The following FMR1NB variants were observed in gnomAD, a reference collection of about 807,000 sequenced individuals.
The protein encoded by FMR1NB is FMR1 neighbor.
A neutral mutation model predicts 16.8 loss-of-function variants in FMR1NB; 10 were observed. The observed-to-expected ratio is 0.60, with a 90% CI of 0.37 to 1.01. The LOEUF is 1.01. Ranked by LOEUF, FMR1NB falls within the 50% of genes least tolerant of loss-of-function variation. The pLI is 0.01. For missense variants in FMR1NB, 205 were observed against 204.8 expected, an observed-to-expected ratio of 1.00 and a Z score of 0.00; for synonymous variants, 83 against 79.1, an observed-to-expected ratio of 1.05 and a Z score of -0.26.
In FMR1NB at chrX:148,015,108, G is replaced by C. The variant is rs782786392; in HGVS notation, c.632+6397G>C. Among the ~76,000 whole-genome samples the C allele has an allele frequency of 8.1e-5, 9 of 111,297 alleles. No homozygotes were observed. The South Asian group carries it at 3.4e-3, about 42-fold the overall frequency. On this transcript the variant is annotated intron_variant, in intron 4 of 5. Coordinates refer to ENST00000370467, the MANE Select transcript of FMR1NB (RefSeq NM_152578.3). The stretch of plus-strand genomic sequence containing the variant: ...TTCTTCTAGATTTTACAATTTATTG[G>C]CATATAGTTGCTCAGAGTAGCCACT...
At chrX:147,982,258 C>T (rs1384648340) in intron 1 of FMR1NB, among the ~76,000 whole-genome samples, 6 of 107,609 alleles carry the variant, frequency 5.6e-5, no homozygotes, top group Non-Finnish European at 1.2e-4. Flanking sequence ...CCACTGCACT[C>T]CAGCCTGGTG....
At chrX:147,998,011 A>G (rs1433071217) in intron 1 of FMR1NB, among the ~76,000 whole-genome samples, 2 of 112,506 alleles carry the variant, frequency 1.8e-5, no homozygotes, top group African/African-American at 3.2e-5. Context: ...TGATGGGAGT[A>G]TAAATTAGTT....
At position 147,981,448 on chromosome X, in the gene FMR1NB, C is replaced by A; in HGVS notation, c.46C>A (p.His16Asn). The change falls in exon 1 of 6, where the codon CAC becomes AAC. Residue 16 changes from histidine (H) to asparagine (N), a missense_variant. Physicochemically the swap from His to Asn is moderately conservative, Grantham distance 68. Transcript: ENST00000370467. ...AGCGAAGGGGAGGAATAGGAGAAGT[C>A]ACCGTGCCATGCGTGTGGCTCACTT... ...RKAKGRNRRS[H>N]RAMRVAHLEL... 8.3e-7 allele frequency: 1 copy of A among 1,211,630 alleles called. No individual in the cohort carries two copies. Among genetic ancestry groups the A allele is most frequent in the South Asian group, 1.8e-5 (1 of 56,964 alleles).
At chrX:148,010,999 G>A (rs782039662) in intron 4 of FMR1NB, among the ~76,000 whole-genome samples, 1 of 111,381 alleles carries the variant, frequency 9.0e-6, no homozygotes, top group Non-Finnish European at 1.9e-5. Flanking sequence ...AAGAGTTGGA[G>A]AGCTTAAAAA....
At chrX:147,992,258 C>A (rs1164852839) in intron 1 of FMR1NB, among the ~76,000 whole-genome samples, 6 of 95,775 alleles carry the variant, frequency 6.3e-5, no homozygotes, top group African/African-American at 2.4e-4. Flanking sequence ...CCCCTCACCT[C>A]CCGGACGGGG....
intron 4 of FMR1NB, among the ~76,000 whole-genome samples, chrX:148,014,282 T>C (rs1306489767): frequency 4.5e-5 from 5 of 111,384 alleles, no homozygotes; most frequent in African/African-American, 1.6e-4. Flanking sequence ...GCATTGGCCT[T>C]AGGTAAAGAG....
intron 3 of FMR1NB, among the ~76,000 whole-genome samples, chrX:148,007,319 C>T (rs1557189226): frequency 8.9e-6 from 1 of 112,064 alleles, no homozygotes; most frequent in South Asian, 3.7e-4. Flanking sequence ...TAGCATCTCA[C>T]TCTGTTACCC....
rs1162134346 is a variant in FMR1NB, at chrX:148,003,211, T to C, written c.288T>C (p.Tyr96=). The C allele has an allele frequency of 8.3e-7, 1 of 1,209,313 alleles. No individual in the cohort carries two copies. The highest frequency in any genetic ancestry group is 1.7e-5 in the African/African-American group (1 of 57,839). Residue 96 remains tyrosine (Y), a synonymous_variant, in exon 2 of 6, where the codon TAT becomes TAC. Transcript: ENST00000370467. The part of the protein sequence containing the change: ...LSYYLCSGSS[Y]FVLANGHILP... Reference sequence around the variant, plus strand: ...TTACTTCTTCTTAAGGGTCCTCATATTTTGTGCTTGCAAATGGACATATCC... The same window carrying C: ...TTACTTCTTCTTAAGGGTCCTCATACTTTGTGCTTGCAAATGGACATATCC...
chrX:148,026,520 A>G lies in FMR1NB; in HGVS notation c.*32A>G, dbSNP rs2298853. On this transcript the variant is annotated 3_prime_UTR_variant, in exon 6 of 6. Transcript: ENST00000370467. ...CCCATAGCATTATTTTCCCCTCAAG[A>G]CAACAGAAACCATTCAGAGCAGAGG... 2 of 111,409 alleles carry G rather than the reference A, an allele frequency of 1.8e-5. No homozygotes were observed. Among genetic ancestry groups the G allele is most frequent in the East Asian group, 5.6e-4 (2 of 3,563 alleles). The allele number at this position is 111,409 out of a possible 1,213,427, so 9.2% of individuals were successfully genotyped here. A position where few individuals can be genotyped will look rare whatever the true frequency, so the allele number is the denominator to read the frequency against.
chrX:148,017,924 T>C (rs1257451484), intron 4 of FMR1NB, among the ~76,000 whole-genome samples: 1 of 108,750 alleles, frequency 9.2e-6, no homozygotes, highest in Non-Finnish European at 1.9e-5. Context: ...CACATTTTCT[T>C]AATCCAGTCT....
intron 4 of FMR1NB, among the ~76,000 whole-genome samples, chrX:148,019,451 G>A (rs112758844): frequency 1.4e-3 from 159 of 112,109 alleles, no homozygotes; most frequent in African/African-American, 5.0e-3. Flanking sequence ...TTCCTGGATG[G>A]TGTTGATGCT....
chrX:148,003,431 G>A, intron 2 of FMR1NB, 111 bp downstream of exon 2: 1 of 850,376 alleles, frequency 1.2e-6, no homozygotes, highest in South Asian at 2.9e-5. Flanking sequence ...ACAGAGCTGA[G>A]TTTGAATCCT....
rs1031472925 is a variant in FMR1NB, at chrX:147,996,476, C to A, written c.278-6725C>A. On this transcript the variant is annotated intron_variant, in intron 1 of 5. Transcript: ENST00000370467. The stretch of plus-strand genomic sequence containing the variant: ...GATAGTGGCATAGGTAGACCCTCAA[C>A]TTGAAGCCTCAGTAAAATCCTTTAG... Among the ~76,000 whole-genome samples the A allele has an allele frequency of 8.1e-5, 9 of 110,493 alleles. No homozygotes were observed. The East Asian group carries it at 2.6e-3, about 32-fold the overall frequency.
intron 4 of FMR1NB, among the ~76,000 whole-genome samples, chrX:148,023,209 G>C (rs2044687887): frequency 1.8e-5 from 2 of 111,687 alleles, no homozygotes; most frequent in South Asian, 7.5e-4. Flanking sequence ...AAGGTACTGA[G>C]AACTGTGTAG....
At chrX:147,984,677 C>T (rs1330758606) in intron 1 of FMR1NB, among the ~76,000 whole-genome samples, 1 of 111,761 alleles carries the variant, frequency 8.9e-6, no homozygotes, top group Non-Finnish European at 1.9e-5. Context: ...TTACTTTTTA[C>T]TTTCCGATTT....
Position 148,003,326 on chromosome X carries a change from T to C in FMR1NB, c.397+6T>C. The C allele has an allele frequency of 8.3e-7, 1 of 1,207,310 alleles. No individual in the cohort carries two copies. The highest frequency in any genetic ancestry group is 1.1e-6 in the Non-Finnish European group (1 of 893,196). On this transcript the variant is annotated splice_donor_region_variant and intron_variant, in intron 2 of 5. Coordinates refer to ENST00000370467, the MANE Select transcript of FMR1NB (RefSeq NM_152578.3). ...GAATTTTTTCTTTCCAACAAGTAAG[T>C]TCTTGTTTGATTTTTTTCCCCCTCT...
intron 4 of FMR1NB, among the ~76,000 whole-genome samples, chrX:148,017,320 G>T (rs1454684792): frequency 2.7e-5 from 3 of 110,471 alleles, no homozygotes; most frequent in Non-Finnish European, 3.8e-5. Context: ...ACCTTTGGGA[G>T]TTTGATTATT....
At chrX:147,982,826 G>A (rs367782711) in intron 1 of FMR1NB, among the ~76,000 whole-genome samples, 4 of 111,046 alleles carry the variant, frequency 3.6e-5, no homozygotes, top group Non-Finnish European at 7.5e-5. Flanking sequence ...CCCGGAAGGC[G>A]GAGCTTGCAG....
chrX:147,988,158 T>C (rs1251617339), intron 1 of FMR1NB, among the ~76,000 whole-genome samples: 2 of 112,007 alleles, frequency 1.8e-5, no homozygotes, highest in Non-Finnish European at 3.8e-5. Context: ...TGGTTTTTCC[T>C]TTCCATATTT....
Sources: gnomAD v4.1 joint callset for allele counts (sites outside exome capture counted in the v4.1 genomes callset) on GRCh38, gnomAD v4.1.1 for gene constraint, MANE v1.5 for transcripts, NCBI Gene and HGNC (gene_info 2026-07-23, HGNC 2026-07-21) for gene names.